Variants in LAMB1 observed in about 807,000 individuals in gnomAD.
LAMB1 encodes laminin subunit beta 1.
A neutral mutation model predicts 222.3 loss-of-function variants in LAMB1; 121 were observed. The observed-to-expected ratio is 0.54, with a 90% CI of 0.47 to 0.63. The LOEUF (loss-of-function observed/expected upper bound fraction) is 0.63. LAMB1 is among the 30% of genes least tolerant of loss of function. The pLI is 0.00. For synonymous variants in LAMB1, 794 were observed against 807.2 expected (o/e 0.98, Z 0.28); for missense variants, 2,172 against 2,240.8 (o/e 0.97, Z 0.62).
rs1403314526 is a variant in LAMB1 at position 107,955,481 on chromosome 7, T to C, written c.2840A>G (p.Asp947Gly). 1.2e-6 allele frequency: 2 copies of C among 1,613,830 alleles called. No individual in the cohort carries two copies. Among genetic ancestry groups the C allele is most frequent in the East Asian group, 2.2e-5 (1 of 44,882 alleles). Reference protein sequence around the residue: ...PVTLQLACVCDPGYIGSRCDD... With the variant: ...PVTLQLACVCGPGYIGSRCDD... The stretch of plus-strand genomic sequence containing the variant: ...ACACGACTTACCAATGTATCCAGGA[T>C]CACAAACACAGGCAAGCTGTAAAGT... Residue 947 changes from aspartate to glycine, a missense_variant, in exon 21 of 34, where the codon GAT (aspartate) becomes GGT (glycine). By Grantham distance (94) the Asp-to-Gly change is moderately conservative (BLOSUM62 -1). Coordinates refer to ENST00000222399, the MANE Select transcript of LAMB1 (RefSeq NM_002291.3).
At chr7:107,994,996 A>T in intron 4 of LAMB1, 36 bp from the exon 5 acceptor site, 1 of 1,155,256 alleles carries the variant, frequency 8.7e-7, no homozygotes, top group South Asian at 1.3e-5. Context: ...ACAATAAATG[A>T]AACTGTAAAT....
intron 29 of LAMB1, among the ~76,000 whole-genome samples, chr7:107,930,429 C>T (rs1277055191): frequency 2.0e-5 from 3 of 152,134 alleles, no homozygotes; most frequent in African/African-American, 7.2e-5. Context: ...ACTGTTGACT[C>T]CTTATTAGCC....
intron 29 of LAMB1, 151 bp from the exon 30 acceptor site, chr7:107,929,770 G>A: frequency 6.3e-5 from 33 of 523,586 alleles, no homozygotes; most frequent in South Asian, 2.3e-4. Context: ...TAATCTATCT[G>A]GGATTTTGAG....
At chr7:107,929,339 TG>T (rs1377643645) in intron 30 of LAMB1, 72 bp downstream of exon 30, 32 of 1,509,502 alleles carry the variant, frequency 2.1e-5, no homozygotes, top group Non-Finnish European at 2.9e-5. Context: ...GAAGTTTCAT[TG>T]GTTAAAGAGA....
intron 12 of LAMB1, among the ~76,000 whole-genome samples, chr7:107,974,359 T>C (rs1048370210): frequency 6.8e-6 from 1 of 148,054 alleles, no homozygotes; most frequent in Non-Finnish European, 1.5e-5. Flanking sequence ...CTGTGTGTGT[T>C]TTTTTTTTTA....
At chr7:107,987,881 C>T (rs1296809416) in intron 5 of LAMB1, among the ~76,000 whole-genome samples, 1 of 152,056 alleles carries the variant, frequency 6.6e-6, no homozygotes, top group African/African-American at 2.4e-5. Flanking sequence ...AGAGGTTGGT[C>T]GGGGCAGGTA....
At chr7:107,959,562 A>G in intron 19 of LAMB1, 82 bp from the exon 20 acceptor site, 6 of 1,606,886 alleles carry the variant, frequency 3.7e-6, no homozygotes, top group Non-Finnish European at 5.1e-6. Flanking sequence ...CCCTGTCCCC[A>G]ATTCAGAATG....
At position 107,937,134 on chromosome 7, in the gene LAMB1, A is replaced by C; in HGVS notation, c.3905T>G (p.Leu1302Arg). 1.9e-6 allele frequency: 3 copies of C among 1,613,986 alleles called. No individual in the cohort carries two copies. The highest frequency in any genetic ancestry group is 2.5e-6 in the Non-Finnish European group (3 of 1,179,964). ...TTTGATAAATTCCAGTTGTTCAGCAAGTTCTTTCACAGTGTTGTCTAGGCT... is the reference window on the plus strand; with the variant it reads ...TTTGATAAATTCCAGTTGTTCAGCACGTTCTTTCACAGTGTTGTCTAGGCT... ...AESLDNTVKE[L>R]AEQLEFIKNS... The change falls in exon 26 of 34, where the codon CTT (leucine) becomes CGT (arginine). Residue 1302 changes from leucine to arginine, a missense_variant. By Grantham distance (102) the Leu-to-Arg change is moderately radical (BLOSUM62 -2). Coordinates refer to ENST00000222399, the MANE Select transcript of LAMB1 (RefSeq NM_002291.3).
chr7:107,938,352 C>T (rs943459876), intron 25 of LAMB1, among the ~76,000 whole-genome samples: 1 of 151,884 alleles, frequency 6.6e-6, no homozygotes, highest in African/African-American at 2.4e-5. Context: ...CAGTGCTTTG[C>T]TTTTATTAAT....
chr7:107,994,333 G>A (rs1584541100), intron 5 of LAMB1, among the ~76,000 whole-genome samples: 1 of 152,298 alleles, frequency 6.6e-6, no homozygotes, highest in African/African-American at 2.4e-5. Flanking sequence ...TTAAGGAACT[G>A]TAAAACTGTT....
chr7:107,952,046 C>T lies in LAMB1; in HGVS notation c.3257G>A (p.Cys1086Tyr), dbSNP rs1419762500. ...TGGCCCGAAGGAATGAGCAGCATTG[C>T]AGTTGCATGGGTCACAGCCAGTGCC... Reference protein sequence around the residue: ...ASGTGCDPCNCNAAHSFGPSC... With the variant: ...ASGTGCDPCNYNAAHSFGPSC... The change falls in exon 23 of 34, where the codon TGC (cysteine) becomes TAC (tyrosine). Residue 1086 changes from cysteine (C) to tyrosine (Y), a missense_variant. Coordinates refer to ENST00000222399, the MANE Select transcript of LAMB1 (RefSeq NM_002291.3). 6.2e-7 allele frequency: 1 copy of T among 1,613,830 alleles called. No homozygotes were observed. The highest frequency in any genetic ancestry group is 8.5e-7 in the Non-Finnish European group (1 of 1,179,878).
At chr7:107,929,254 G>A in intron 30 of LAMB1, 49 bp from the exon 31 acceptor site, 1 of 1,600,190 alleles carries the variant, frequency 6.2e-7, no homozygotes, top group Non-Finnish European at 8.6e-7. Flanking sequence ...CATGAAAAAA[G>A]TACTCTCAGT....
At chr7:107,932,696 G>T in intron 27 of LAMB1, 1 of 334,702 alleles carries the variant, frequency 3.0e-6, no homozygotes, top group Non-Finnish European at 5.6e-6. Flanking sequence ...CAAGGGCCAA[G>T]GAATGCCTTC....
chr7:107,970,886 C>T (rs1284248498), intron 13 of LAMB1, among the ~76,000 whole-genome samples: 3 of 152,082 alleles, frequency 2.0e-5, no homozygotes, highest in Non-Finnish European at 4.4e-5. Context: ...GTAGGTGCCA[C>T]CACGCCTGGC....
intron 27 of LAMB1, among the ~76,000 whole-genome samples, chr7:107,933,793 C>G (rs2032769335): frequency 6.6e-6 from 1 of 152,160 alleles, no homozygotes; most frequent in African/African-American, 2.4e-5. Flanking sequence ...CTGCTAATCC[C>G]TAGGTAGTTT....
intron 31 of LAMB1, among the ~76,000 whole-genome samples, chr7:107,926,948 G>A (rs1322094585): frequency 6.6e-6 from 1 of 152,144 alleles, no homozygotes; most frequent in African/African-American, 2.4e-5. Flanking sequence ...TGGGCAACTG[G>A]TGAGGATCCA....
Position 107,937,129 on chromosome 7 carries a change from C to T in LAMB1, c.3910G>A (p.Glu1304Lys), listed in dbSNP as rs1328225471. The T allele has an allele frequency of 6.2e-7, 1 of 1,613,738 alleles. No individual in the cohort carries two copies. The highest frequency in any genetic ancestry group is 2.2e-5 in the East Asian group (1 of 44,884). ...SLDNTVKELA[E>K]QLEFIKNSDI... The stretch of plus-strand genomic sequence containing the variant: ...GAGTTTTTGATAAATTCCAGTTGTT[C>T]AGCAAGTTCTTTCACAGTGTTGTCT... The change falls in exon 26 of 34, where the codon GAA becomes AAA. Residue 1304 changes from glutamate to lysine, a missense_variant. Transcript: ENST00000222399.
At chr7:107,979,661 TA>T (rs1483874672) in intron 8 of LAMB1, among the ~76,000 whole-genome samples, 1 of 152,156 alleles carries the variant, frequency 6.6e-6, no homozygotes, top group Non-Finnish European at 1.5e-5. Flanking sequence ...TTTCAAAATG[TA>T]CATAAGTTGC....
Position 107,953,668 on chromosome 7 carries a change from T to C in LAMB1, c.2941A>G (p.Asn981Asp). Reference protein sequence around the residue: ...GSCQPCQCHNNIDTTDPEACD... With the variant: ...GSCQPCQCHNDIDTTDPEACD... The stretch of plus-strand genomic sequence containing the variant: ...GCTTCTGGGTCTGTCGTGTCAATGT[T>C]GTTGTGACACTGGCAAGGCTGACAC... The change falls in exon 22 of 34, where the codon AAC becomes GAC. Residue 981 changes from asparagine (N) to aspartate (D), a missense_variant. By Grantham distance (23) the Asn-to-Asp change is conservative. Transcript: ENST00000222399. The C allele has an allele frequency of 1.2e-6, 2 of 1,614,194 alleles. No homozygotes were observed. Among genetic ancestry groups the C allele is most frequent in the Non-Finnish European group, 1.7e-6 (2 of 1,180,028 alleles).
Sources: allele counts gnomAD v4.1 joint callset (sites outside exome capture counted in the v4.1 genomes callset), GRCh38; gene constraint gnomAD v4.1.1; transcripts MANE v1.5; gene names NCBI Gene and HGNC (gene_info 2026-07-23, HGNC 2026-07-21).